Variants in MEIS2 observed in about 807,000 individuals in gnomAD.
MEIS2 encodes homeobox protein Meis2.
Under a neutral mutation model 58.6 loss-of-function variants are expected in MEIS2, and 9 were observed. The observed-to-expected ratio is 0.15, with a 90% confidence interval of 0.09 to 0.27. MEIS2 has a LOEUF of 0.27. MEIS2 is among the 10% of genes least tolerant of loss of function. The pLI, the probability that MEIS2 is intolerant of heterozygous loss-of-function variation, is 1.00. For synonymous variants in MEIS2, 221 were observed against 228.4 expected, an observed-to-expected ratio of 0.97 and a Z score of 0.29; for missense variants, 427 against 635.0, an observed-to-expected ratio of 0.67 and a Z score of 3.52.
At chr15:36,960,573 A>C (rs946274502) in intron 8 of MEIS2, among the ~76,000 whole-genome samples, 3 of 152,110 alleles carry the variant, frequency 2.0e-5, no homozygotes, top group Admixed American at 1.3e-4. Flanking sequence ...ACTCTAAGGT[A>C]TAAAACAACA....
At chr15:36,915,598 C>T (rs1052561636) in intron 9 of MEIS2, among the ~76,000 whole-genome samples, 4 of 152,194 alleles carry the variant, frequency 2.6e-5, no homozygotes, top group East Asian at 1.9e-4. Flanking sequence ...CAAGGGCCCC[C>T]TCCAGAAGTA....
At chr15:37,075,960 G>A (rs1271733516) in intron 7 of MEIS2, among the ~76,000 whole-genome samples, 5 of 151,868 alleles carry the variant, frequency 3.3e-5, no homozygotes, top group Admixed American at 1.3e-4. Context: ...GTATAGCAGG[G>A]ATACTAAAGT....
intron 9 of MEIS2, among the ~76,000 whole-genome samples, chr15:36,904,632 T>G (rs1375201320): frequency 1.7e-5 from 1 of 58,414 alleles, no homozygotes; most frequent in Admixed American, 1.8e-4. Context: ...AGGATTACAT[T>G]TTCTTCTTTT....
chr15:37,093,517 A>C (rs1893813791), intron 6 of MEIS2, 64 bp downstream of exon 6: 3 of 1,575,444 alleles, frequency 1.9e-6, no homozygotes, highest in Non-Finnish European at 2.6e-6. Flanking sequence ...TAGATGTTAA[A>C]ACAAGGTTAA....
Position 37,040,082 on chromosome 15 carries a change from G to A in MEIS2, c.755-3123C>T, listed in dbSNP as rs995990688. Among the ~76,000 whole-genome samples the A allele has an allele frequency of 2.7e-5, 4 of 150,780 alleles. No homozygotes were observed. In the South Asian group the frequency reaches 8.4e-4, roughly 32 times the overall value. ...TTTTGTTTTAAGGCTGTGTATGTGT[G>A]TGTGTGTGTGTGTGGTTGTGTGTAT... On this transcript the variant is annotated intron_variant, in intron 7 of 11. Transcript: ENST00000561208.
At chr15:36,946,208 C>T (rs2058558315) in intron 9 of MEIS2, among the ~76,000 whole-genome samples, 1 of 151,888 alleles carries the variant, frequency 6.6e-6, no homozygotes, top group Non-Finnish European at 1.5e-5. Context: ...TGTATAAATG[C>T]AACTCACCAA....
intron 7 of MEIS2, among the ~76,000 whole-genome samples, chr15:37,072,622 TC>T (rs1409575366): frequency 6.6e-6 from 1 of 152,156 alleles, no homozygotes; most frequent in Non-Finnish European, 1.5e-5. Flanking sequence ...CCCTGCACCT[TC>T]CCTACTTTTT....
At chr15:37,071,159 T>C (rs764287990) in intron 7 of MEIS2, among the ~76,000 whole-genome samples, 1 of 152,118 alleles carries the variant, frequency 6.6e-6, no homozygotes, top group Admixed American at 6.6e-5. Context: ...AAATAATTAT[T>C]ATTGAAGGCC....
intron 2 of MEIS2, chr15:37,097,399 A>G (rs1894402163): frequency 6.6e-6 from 1 of 152,384 alleles, no homozygotes; most frequent in Non-Finnish European, 1.5e-5. Context: ...CCAAGCAAGC[A>G]AGAGTCCCTT....
At chr15:36,920,606 C>T (rs1372926280) in intron 9 of MEIS2, among the ~76,000 whole-genome samples, 2 of 152,208 alleles carry the variant, frequency 1.3e-5, no homozygotes, top group South Asian at 2.1e-4. Flanking sequence ...TGATGACTTA[C>T]GGATCACAAA....
intron 6 of MEIS2, among the ~76,000 whole-genome samples, chr15:37,086,072 T>C (rs1315453124): frequency 1.3e-5 from 2 of 152,234 alleles, no homozygotes; most frequent in South Asian, 2.1e-4. Context: ...AAACTTTTCA[T>C]TGTACACAGC....
At chr15:36,937,618 T>C (rs2058223611) in intron 9 of MEIS2, among the ~76,000 whole-genome samples, 1 of 152,232 alleles carries the variant, frequency 6.6e-6, no homozygotes, top group Non-Finnish European at 1.5e-5. Flanking sequence ...GAATGGTCAC[T>C]GTTGAAGCAA....
At chr15:36,914,050 G>C (rs1382928417) in intron 9 of MEIS2, among the ~76,000 whole-genome samples, 2 of 152,186 alleles carry the variant, frequency 1.3e-5, no homozygotes, top group African/African-American at 4.8e-5. Flanking sequence ...GCGATTGGTG[G>C]TATGGTGGGA....
intron 1 of MEIS2, chr15:37,099,149 C>A: frequency 8.5e-7 from 1 of 1,172,040 alleles, no homozygotes. Context: ...TGGAGCGAGG[C>A]GAAAGCGTGT....
chr15:36,902,554 G>C (rs779171497), intron 9 of MEIS2, among the ~76,000 whole-genome samples: 1 of 152,136 alleles, frequency 6.6e-6, no homozygotes, highest in South Asian at 2.1e-4. Flanking sequence ...ATACATTACC[G>C]TCCCCATTCC....
intron 9 of MEIS2, among the ~76,000 whole-genome samples, chr15:36,932,509 T>C (rs2058020220): frequency 6.6e-6 from 1 of 152,218 alleles, no homozygotes; most frequent in African/African-American, 2.4e-5. Flanking sequence ...TATGGTCTTT[T>C]TTTAAGATTA....
chr15:37,059,964 G>A (rs755154045), intron 7 of MEIS2, among the ~76,000 whole-genome samples: 14 of 152,040 alleles, frequency 9.2e-5, no homozygotes, highest in Non-Finnish European at 5.9e-5. Flanking sequence ...AGGGTCTCAC[G>A]CTGTCACGCA....
At chr15:37,063,501 C>T (rs1156325626) in intron 7 of MEIS2, among the ~76,000 whole-genome samples, 1 of 152,148 alleles carries the variant, frequency 6.6e-6, no homozygotes, top group Non-Finnish European at 1.5e-5. Flanking sequence ...CTCAGTTTTC[C>T]CAACTGAAAA....
chr15:36,911,311 G>A (rs372314057), intron 9 of MEIS2, among the ~76,000 whole-genome samples: 2 of 151,634 alleles, frequency 1.3e-5, no homozygotes, highest in East Asian at 3.9e-4. Context: ...ACATATATAT[G>A]CATACATATC....
Sources: gnomAD v4.1 joint callset for allele counts (sites outside exome capture counted in the v4.1 genomes callset) on GRCh38, gnomAD v4.1.1 for gene constraint, MANE v1.5 for transcripts, NCBI Gene and HGNC (gene_info 2026-07-23, HGNC 2026-07-21) for gene names.